The following ZP3 variants were observed in gnomAD, a reference collection of about 807,000 sequenced individuals.
The protein encoded by ZP3 is zona pellucida sperm-binding protein 3.
ZP3 carries 21 observed loss-of-function variants against 35.6 expected under a neutral mutation model. The observed-to-expected ratio is 0.59, with a 90% CI of 0.42 to 0.85. The LOEUF is 0.85. Among genes scored for constraint, ZP3 ranks in the 40% least tolerant of loss-of-function variants. ZP3 has a pLI of 0.00. For missense variants in ZP3, 437 were observed against 536.5 expected, an observed-to-expected ratio of 0.81 and a Z score of 1.83; for synonymous variants, 207 against 214.5, an observed-to-expected ratio of 0.96 and a Z score of 0.31.
chr7:76,412,965 C>CTTTT (rs1160174272), intron 1 of ZP3, among the ~76,000 whole-genome samples: 27 of 102,554 alleles, frequency 2.6e-4, no homozygotes, highest in African/African-American at 1.0e-3. Flanking sequence ...TCTTCTTCTT[C>CTTTT]TTTTTTTTTT....
rs746785580 is a variant in ZP3 at position 76,397,553 on chromosome 7, C to T, written c.-311C>T. ...CGCGCCCGCGTCCTCGTGGTGGCCGCAGTTGTGCACACCCCAGCCCAGGCT... is the reference window on the plus strand; with the variant it reads ...CGCGCCCGCGTCCTCGTGGTGGCCGTAGTTGTGCACACCCCAGCCCAGGCT... On this transcript the variant is annotated 5_prime_UTR_variant, in exon 1 of 9. Transcript: ENST00000336517. 44 of 1,598,870 alleles carry T rather than the reference C, an allele frequency of 2.8e-5. No individual in the cohort carries two copies. In the East Asian group the frequency reaches 9.7e-4, roughly 35 times the overall value.
In ZP3 at chr7:76,437,465, C is replaced by T. The variant is rs1806054046; in HGVS notation, c.832-2785C>T. Among the ~76,000 whole-genome samples, 3 of 149,094 alleles carry T rather than the reference C, an allele frequency of 2.0e-5. No individual in the cohort carries two copies. In the South Asian group the frequency reaches 6.3e-4, roughly 31 times the overall value. On this transcript the variant is annotated intron_variant, in intron 5 of 7. Transcript: ENST00000394857. ...GATTACAGGCATGAGCTATCACACT[C>T]CCCTCTTTTTTTTTTTTTTTTTGTT... is the stretch of plus-strand genomic sequence containing the variant.
Position 76,409,331 on chromosome 7 carries a change from A to ATGT in ZP3, c.-67+11534_-67+11535insTGT, listed in dbSNP as rs755471557. Reference sequence around the variant, plus strand: ...CTCTCTCTCTCTCTGTCTCACACACACACACACACACACACACACACACAC... The same window carrying ATGT: ...CTCTCTCTCTCTCTGTCTCACACACATGTCACACACACACACACACACACACAC... On this transcript the variant is annotated intron_variant, in intron 1 of 8. Transcript: ENST00000336517. 2.5e-4 allele frequency: 14 copies of ATGT among 55,570 alleles called. No homozygotes were observed. The South Asian group carries it at 7.5e-3, about 30-fold the overall frequency. The allele number at this position is 55,570 out of a possible 1,614,324, so 3.4% of individuals were successfully genotyped here.
In ZP3 at chr7:76,414,696, C is replaced by CTT. The variant is rs562055219; in HGVS notation, c.-66-10334_-66-10333dup. On this transcript the variant is annotated intron_variant, in intron 1 of 8. Transcript: ENST00000336517. ...CCTTCCCCTTCCCCTCCTCCTCCTC[C>CTT]TTTTTTTTTTTTTTTTTTTTTTTGA... 2.6e-3 allele frequency among the ~76,000 whole-genome samples: 139 copies of CTT among 53,182 alleles called. 1 individual carries two copies. The highest frequency in any genetic ancestry group is 7.3e-3 in the East Asian group (9 of 1,240). 34.9% of individuals were successfully genotyped at this position (53,182 alleles called of 152,430 possible).
chr7:76,401,350 C>T (rs1804823681), intron 1 of ZP3, among the ~76,000 whole-genome samples: 1 of 152,198 alleles, frequency 6.6e-6, no homozygotes, highest in Non-Finnish European at 1.5e-5. Flanking sequence ...GGAGTCTCAG[C>T]TCCTGAGCTT....
In ZP3 at chr7:76,433,647, G is replaced by A. The variant is rs1477757158; in HGVS notation, c.713G>A (p.Gly238Asp). Reference sequence around the variant, plus strand: ...TATCACACCATCGTGGACTTCCATGGGTGAGCACTGGGCTCCCTGCCTAGA... The same window carrying A: ...TATCACACCATCGTGGACTTCCATGAGTGAGCACTGGGCTCCCTGCCTAGA... ...SPYHTIVDFH[G>D]CLVDGLTDAS... Residue 238 changes from glycine (G) to aspartate (D), a missense_variant and splice_region_variant, in exon 4 of 8, where the codon GGC (glycine) becomes GAC (aspartate). Transcript: ENST00000394857. 2 of 1,599,170 alleles carry A rather than the reference G, an allele frequency of 1.3e-6. No homozygotes were observed. Among genetic ancestry groups the A allele is most frequent in the South Asian group, 2.2e-5 (2 of 89,704 alleles).
intron 1 of ZP3, among the ~76,000 whole-genome samples, chr7:76,417,827 T>C (rs1805411987): frequency 6.6e-6 from 1 of 151,740 alleles, no homozygotes; most frequent in Non-Finnish European, 1.5e-5. Context: ...TTGCCCAGGC[T>C]GGGCTGGAAC....
At chr7:76,400,341 G>A (rs769591656) in intron 1 of ZP3, 13 of 1,522,960 alleles carry the variant, frequency 8.5e-6, no homozygotes, top group Admixed American at 2.1e-5. Flanking sequence ...CGCCCCAGCC[G>A]CGGCTGCCGC....
intron 1 of ZP3, among the ~76,000 whole-genome samples, chr7:76,407,892 G>T (rs531361366): frequency 1.3e-5 from 2 of 152,198 alleles, no homozygotes; most frequent in Non-Finnish European, 2.9e-5. Context: ...CTGGTTGGTT[G>T]GGGAGAGATG....
At chr7:76,417,103 G>A (rs1429117912) in intron 1 of ZP3, among the ~76,000 whole-genome samples, 1 of 151,562 alleles carries the variant, frequency 6.6e-6, no homozygotes, top group Non-Finnish European at 1.5e-5. Context: ...TTTTGCCCAG[G>A]CTGGAGTGTA....
Position 76,440,602 on chromosome 7 carries a change from C to T in ZP3, c.1051C>T (p.Arg351Cys), listed in dbSNP as rs764100090. 15 of 1,612,366 alleles carry T rather than the reference C, an allele frequency of 9.3e-6. No homozygotes were observed. The highest frequency in any genetic ancestry group is 1.3e-5 in the African/African-American group (1 of 74,916). Residue 351 changes from arginine to cysteine, a missense_variant, in exon 7 of 8, where the codon CGC becomes TGC. This residue lies in a region of ZP3 where 41 missense variants were observed against 50.2 expected (regional missense o/e 0.82). Transcript: ENST00000394857. ...GTGGTCCAGGTCTGCTTCCCGTAAC[C>T]GCAGGCATGGTATGTCACAGAATGG... ...SQWSRSASRNRRHVTEEADVT... is the reference protein window; with the variant it reads ...SQWSRSASRNCRHVTEEADVT...
At chr7:76,423,081 AAG>A (rs1272644129), upstream of ZP3, among the ~76,000 whole-genome samples, 1 of 142,458 alleles carries the variant, frequency 7.0e-6, no homozygotes, top group South Asian at 2.4e-4. Context: ...GAAAGAAAGA[AAG>A]AAAAGAAATT....
intron 5 of ZP3, among the ~76,000 whole-genome samples, chr7:76,434,617 T>G: frequency 7.5e-6 from 1 of 133,452 alleles, no homozygotes; most frequent in African/African-American, 2.7e-5. Context: ...CCAGCCTGAG[T>G]GACAGTGAGA....
chr7:76,418,904 T>C (rs1805442895), intron 1 of ZP3, among the ~76,000 whole-genome samples: 1 of 152,070 alleles, frequency 6.6e-6, no homozygotes, highest in Non-Finnish European at 1.5e-5. Context: ...TGGAGTTATT[T>C]TTTGGATATA....
intron 1 of ZP3, among the ~76,000 whole-genome samples, chr7:76,410,039 CT>C (rs892498450): frequency 3.5e-4 from 53 of 151,386 alleles, no homozygotes; most frequent in African/African-American, 1.3e-3. Context: ...TTTCTTTTTT[CT>C]TTTTTTTCAG....
intron 1 of ZP3, among the ~76,000 whole-genome samples, chr7:76,419,774 C>G (rs1805463268): frequency 7.0e-6 from 1 of 143,810 alleles, no homozygotes; most frequent in African/African-American, 2.6e-5. Context: ...CCCTCCCCTC[C>G]TCCTCCTCCT....
chr7:76,413,930 G>A (rs1805307827), intron 1 of ZP3, among the ~76,000 whole-genome samples: 2 of 151,402 alleles, frequency 1.3e-5, no homozygotes, highest in Non-Finnish European at 2.9e-5. Context: ...GCCTCCCAAA[G>A]TGCTGGGATT....
intron 1 of ZP3, among the ~76,000 whole-genome samples, chr7:76,428,374 C>A (rs1235792729): frequency 1.3e-5 from 2 of 152,096 alleles, no homozygotes; most frequent in African/African-American, 4.8e-5. Flanking sequence ...CCAGTGCTGG[C>A]TCTATGCTAA....
intron 1 of ZP3, among the ~76,000 whole-genome samples, chr7:76,405,505 G>A (rs767670108): frequency 1.3e-5 from 2 of 150,012 alleles, no homozygotes; most frequent in Admixed American, 6.7e-5. Flanking sequence ...TTTATGAGTC[G>A]GGTATGGTGA....
Sources: allele counts gnomAD v4.1 joint callset (sites outside exome capture counted in the v4.1 genomes callset), GRCh38; gene constraint gnomAD v4.1.1; regional missense constraint gnomAD v4.1.1; transcripts MANE v1.5; gene names NCBI Gene and HGNC (gene_info 2026-07-23, HGNC 2026-07-21).